LRRC4C: variants seen among roughly 807,000 people sequenced by gnomAD.
LRRC4C encodes the protein leucine rich repeat containing 4C, also known as leucine-rich repeat-containing protein 4C.
In LRRC4C, 5 loss-of-function variants were observed where a neutral mutation model predicts 33.6. The ratio of observed to expected loss-of-function variants is 0.15; its 90% CI spans 0.08 to 0.31. The LOEUF is 0.31. Ranked by LOEUF, LRRC4C falls within the 10% of genes least tolerant of loss-of-function variation. LRRC4C has a pLI of 1.00. For synonymous variants in LRRC4C, 329 were observed against 302.0 expected, an observed-to-expected ratio of 1.09 and a Z score of -0.93; for missense variants, 560 against 796.7, an observed-to-expected ratio of 0.70 and a Z score of 3.58.
chr11:40,885,124 T>C (rs1353415555), intron 2 of LRRC4C, among the ~76,000 whole-genome samples: 2 of 152,110 alleles, frequency 1.3e-5, no homozygotes, highest in Non-Finnish European at 2.9e-5. Flanking sequence ...GTACCCCCTA[T>C]ACAAACTGTT....
At chr11:40,211,666 T>C (rs1379170747) in intron 5 of LRRC4C, among the ~76,000 whole-genome samples, 2 of 152,208 alleles carry the variant, frequency 1.3e-5, no homozygotes, top group African/African-American at 4.8e-5. Flanking sequence ...TTTCCCAGAA[T>C]CTTGTACCCA....
intron 3 of LRRC4C, among the ~76,000 whole-genome samples, chr11:40,615,842 C>T (rs1296861348): frequency 6.6e-6 from 1 of 151,644 alleles, no homozygotes; most frequent in East Asian, 1.9e-4. Context: ...TTGTTTGTTA[C>T]AGTGAATGTT....
At chr11:41,394,153 C>T (rs1240548830) in intron 1 of LRRC4C, among the ~76,000 whole-genome samples, 3 of 151,898 alleles carry the variant, frequency 2.0e-5, no homozygotes, top group South Asian at 2.1e-4. Context: ...GTCCTTGCTT[C>T]CTTATCTGTA....
At chr11:40,410,841 T>A (rs1950132491) in intron 3 of LRRC4C, among the ~76,000 whole-genome samples, 1 of 152,170 alleles carries the variant, frequency 6.6e-6, no homozygotes, top group African/African-American at 2.4e-5. Context: ...AATTTTACTG[T>A]TAATGTAGTT....
intron 3 of LRRC4C, among the ~76,000 whole-genome samples, chr11:40,485,039 TTACTC>T (rs930313644): frequency 2.0e-5 from 3 of 152,068 alleles, no homozygotes; most frequent in Non-Finnish European, 4.4e-5. Context: ...TCTTTCTTGA[TTACTC>T]TAAGTGGGAA....
chr11:40,342,538 AT>A (rs1946918001), intron 3 of LRRC4C, among the ~76,000 whole-genome samples: 1 of 152,176 alleles, frequency 6.6e-6, no homozygotes, highest in Non-Finnish European at 1.5e-5. Flanking sequence ...AAATACTGCG[AT>A]TCAGTAGAAA....
chr11:40,340,557 G>A (rs183709234), intron 3 of LRRC4C, among the ~76,000 whole-genome samples: 5 of 152,182 alleles, frequency 3.3e-5, no homozygotes, highest in Admixed American at 6.5e-5. Flanking sequence ...TGTGATAAAA[G>A]TAATAATAAC....
chr11:40,709,977 A>C (rs1416197892), intron 2 of LRRC4C, among the ~76,000 whole-genome samples: 1 of 152,172 alleles, frequency 6.6e-6, no homozygotes, highest in Non-Finnish European at 1.5e-5. Flanking sequence ...CACTTGATCA[A>C]ATTGGCTAGT....
chr11:40,160,456 G>A (rs1178804968), intron 5 of LRRC4C, among the ~76,000 whole-genome samples: 1 of 152,086 alleles, frequency 6.6e-6, no homozygotes, highest in Non-Finnish European at 1.5e-5. Flanking sequence ...TCGAGGGCAT[G>A]AGAACAGATG....
chr11:41,259,684 A>G lies in LRRC4C; in HGVS notation c.-496+199747T>C, dbSNP rs553129795. ...ATGGCCTGTTGTAAGTTAGCAGAAC[A>G]TTCTCAGGCCAGTCAAACATCCTGG... On this transcript the variant is annotated intron_variant, in intron 1 of 6. Transcript: ENST00000528697. Among the ~76,000 whole-genome samples the G allele has an allele frequency of 2.0e-5, 3 of 152,136 alleles. No homozygotes were observed. The South Asian group carries it at 6.2e-4, about 32-fold the overall frequency.
chr11:41,195,191 C>T (rs1024392149), intron 1 of LRRC4C, among the ~76,000 whole-genome samples: 5 of 152,008 alleles, frequency 3.3e-5, no homozygotes, highest in African/African-American at 1.2e-4. Context: ...TTTAGGTTAA[C>T]AAAACAAAAC....
chr11:40,576,760 C>T (rs138740652), intron 3 of LRRC4C, among the ~76,000 whole-genome samples: 2 of 152,234 alleles, frequency 1.3e-5, no homozygotes, highest in South Asian at 4.1e-4. Context: ...CATGATTATT[C>T]GTTCCTCTGT....
chr11:41,195,623 T>C (rs2200563), intron 1 of LRRC4C, among the ~76,000 whole-genome samples: 142,181 of 152,062 alleles, frequency 0.94, 66,805 homozygotes, highest in East Asian at 1. Context: ...TTAGAGATGA[T>C]ATGTCTATTT....
chr11:41,412,448 A>C (rs1348273211), intron 1 of LRRC4C, among the ~76,000 whole-genome samples: 1 of 152,216 alleles, frequency 6.6e-6, no homozygotes, highest in Non-Finnish European at 1.5e-5. Context: ...GAACCTATTG[A>C]CAATGTTAAG....
chr11:40,712,017 G>C (rs913088930), intron 2 of LRRC4C, among the ~76,000 whole-genome samples: 1 of 152,086 alleles, frequency 6.6e-6, no homozygotes, highest in Admixed American at 6.6e-5. Context: ...AGAGTAGTGT[G>C]GTAATTGTAC....
chr11:40,779,860 G>A (rs776823739), intron 2 of LRRC4C, among the ~76,000 whole-genome samples: 14 of 152,116 alleles, frequency 9.2e-5, no homozygotes, highest in Non-Finnish European at 1.6e-4. Flanking sequence ...ATGACCATTG[G>A]CTAACATGGA....
At chr11:40,911,710 A>C (rs1321963521) in intron 2 of LRRC4C, among the ~76,000 whole-genome samples, 32 of 152,210 alleles carry the variant, frequency 2.1e-4, no homozygotes, top group Non-Finnish European at 1.5e-5. Flanking sequence ...GACTTTTATG[A>C]GTTGAGAGAA....
intron 3 of LRRC4C, among the ~76,000 whole-genome samples, chr11:40,563,895 A>C (rs1957651742): frequency 6.6e-6 from 1 of 152,190 alleles, no homozygotes. Flanking sequence ...TTAAGGCAAC[A>C]GGAATTGCCC....
intron 1 of LRRC4C, among the ~76,000 whole-genome samples, chr11:41,339,128 C>T (rs1951549927): frequency 6.6e-6 from 1 of 152,102 alleles, no homozygotes; most frequent in Admixed American, 6.6e-5. Context: ...TGCTATCAAA[C>T]ATAGGGAAAG....
Sources: gnomAD v4.1 joint callset for allele counts (sites outside exome capture counted in the v4.1 genomes callset) on GRCh38, gnomAD v4.1.1 for gene constraint, MANE v1.5 for transcripts, NCBI Gene and HGNC (gene_info 2026-07-23, HGNC 2026-07-21) for gene names.